Variants in PPP1CC observed in about 807,000 individuals in gnomAD.
PPP1CC encodes serine/threonine-protein phosphatase PP1-gamma catalytic subunit.
A neutral mutation model predicts 38.4 loss-of-function variants in PPP1CC; 16 were observed. The ratio of observed to expected loss-of-function variants is 0.42; its 90% CI spans 0.28 to 0.63. The LOEUF (loss-of-function observed/expected upper bound fraction) is 0.63, where lower values mean the gene tolerates loss of function less well. Ranked by LOEUF, PPP1CC falls within the 30% of genes least tolerant of loss-of-function variation. The pLI is 0.25. For synonymous variants in PPP1CC, 158 were observed against 136.0 expected, an observed-to-expected ratio of 1.16 and a Z score of -1.13; for missense variants, 170 against 391.3, an observed-to-expected ratio of 0.43 and a Z score of 4.77.
chr12:110,736,548 A>G (rs1190608299), intron 1 of PPP1CC, among the ~76,000 whole-genome samples: 1 of 152,002 alleles, frequency 6.6e-6, no homozygotes, highest in Non-Finnish European at 1.5e-5. Flanking sequence ...GGAGGCTAAG[A>G]TGGGAGGATC....
At chr12:110,718,231 C>A (rs1171151897), downstream of PPP1CC, among the ~76,000 whole-genome samples, 4 of 152,082 alleles carry the variant, frequency 2.6e-5, no homozygotes, top group East Asian at 3.9e-4. Context: ...CATGGGCAGG[C>A]CTAGTTTGTG....
chr12:110,742,622 TC>T, intron 1 of PPP1CC, 30 bp downstream of exon 1: 3 of 1,049,436 alleles, frequency 2.9e-6, no homozygotes, highest in Non-Finnish European at 3.8e-6. Flanking sequence ...CAGGCCCGCC[TC>T]CCCCTTCAGC....
At chr12:110,719,527 A>C (rs2069715267), downstream of PPP1CC, among the ~76,000 whole-genome samples, 1 of 152,248 alleles carries the variant, frequency 6.6e-6, no homozygotes, top group Non-Finnish European at 1.5e-5. Context: ...AAGGGGGAAG[A>C]GATCAAAGAA....
chr12:110,723,709 GAT>G (rs1393534435), intron 4 of PPP1CC, among the ~76,000 whole-genome samples: 1 of 152,008 alleles, frequency 6.6e-6, no homozygotes, highest in Non-Finnish European at 1.5e-5. Context: ...CAGGGGTCTC[GAT>G]ATGTTATAGG....
chr12:110,721,300 A>G, intron 6 of PPP1CC, 135 bp from the exon 7 acceptor site: 1 of 637,174 alleles, frequency 1.6e-6, no homozygotes, highest in South Asian at 1.9e-5. Context: ...CCCCTAGCAT[A>G]TTAACACAAG....
chr12:110,726,414 C>T (rs532996471), intron 3 of PPP1CC: 5 of 152,160 alleles, frequency 3.3e-5, no homozygotes, highest in East Asian at 3.9e-4. Flanking sequence ...CTAGGGGGTT[C>T]GGAAAGTTTA....
rs766211510 is a variant in PPP1CC at position 110,722,354 on chromosome 12, T to C, written c.748-85A>G. Reference sequence around the variant, plus strand: ...TTTCAGTTTCCCATTGAGCCTGATATCTTGTGTTCCAGAAACACTTTGTAT... The same window carrying C: ...TTTCAGTTTCCCATTGAGCCTGATACCTTGTGTTCCAGAAACACTTTGTAT... On this transcript the variant is annotated intron_variant, in intron 5 of 6. Transcript: ENST00000335007. This position sits in a 1 kb window ranked among gnomAD's most constrained non-coding sequence, Gnocchi z 5.4. 23 of 1,568,186 alleles carry C rather than the reference T, an allele frequency of 1.5e-5. No individual in the cohort carries two copies. The highest frequency in any genetic ancestry group is 2.0e-5 in the Non-Finnish European group (23 of 1,144,482).
At position 110,731,610 on chromosome 12, in the gene PPP1CC, G is replaced by A. The variant is rs1593580571; in HGVS notation, c.187+160C>T. On this transcript the variant is annotated intron_variant, in intron 2 of 6. Coordinates refer to ENST00000335007, the MANE Select transcript of PPP1CC (RefSeq NM_002710.4). ...ATCTAAGTAAACTAAGTCCATTAGA[G>A]GTATTTATTCTAAAGCTACTATTTA... 3.3e-5 allele frequency among the ~76,000 whole-genome samples: 5 copies of A among 152,070 alleles called. No homozygotes were observed. In the South Asian group the frequency reaches 6.2e-4, roughly 19 times the overall value.
chr12:110,730,846 TC>T, intron 2 of PPP1CC, 87 bp from the exon 3 acceptor site: 1 of 877,870 alleles, frequency 1.1e-6, no homozygotes, highest in Non-Finnish European at 1.7e-6. Flanking sequence ...CTTTAAATAT[TC>T]ATTGTACAAT....
At chr12:110,736,221 T>C (rs1460009789) in intron 1 of PPP1CC, among the ~76,000 whole-genome samples, 1 of 152,238 alleles carries the variant, frequency 6.6e-6, no homozygotes, top group Non-Finnish European at 1.5e-5. Flanking sequence ...AACGTATTAT[T>C]ACTGTTAAAA....
At chr12:110,731,625 G>T in intron 2 of PPP1CC, 145 bp downstream of exon 2, 2 of 777,326 alleles carry the variant, frequency 2.6e-6, no homozygotes, top group South Asian at 2.9e-5. Context: ...TTATTCTAAA[G>T]CTACTATTTA....
intron 3 of PPP1CC, chr12:110,725,373 A>G (rs2069785341): frequency 6.6e-6 from 1 of 152,198 alleles, no homozygotes; most frequent in Admixed American, 6.5e-5. Context: ...CCCATCCCCC[A>G]TATATGCCCC....
the PPP1CC span, among the ~76,000 whole-genome samples, chr12:110,713,189 G>A: frequency 1.1e-4 from 17 of 151,940 alleles, no homozygotes; most frequent in East Asian, 3.3e-3. Flanking sequence ...CTGGAAAGCA[G>A]TGGCATGATC....
At chr12:110,736,039 G>T (rs923791568) in intron 1 of PPP1CC, among the ~76,000 whole-genome samples, 1 of 151,194 alleles carries the variant, frequency 6.6e-6, no homozygotes, top group African/African-American at 2.4e-5. Flanking sequence ...CTCCAGCCTG[G>T]GGAACAAGAA....
At chr12:110,716,965 C>T (rs1398039553), downstream of PPP1CC, among the ~76,000 whole-genome samples, 2 of 152,166 alleles carry the variant, frequency 1.3e-5, no homozygotes, top group Non-Finnish European at 2.9e-5. Flanking sequence ...TCCATCATTT[C>T]CACTCTTCTG....
chr12:110,708,413 A>G, the PPP1CC span, among the ~76,000 whole-genome samples: 1 of 152,226 alleles, frequency 6.6e-6, no homozygotes, highest in Non-Finnish European at 1.5e-5. Context: ...ATTCATCAAA[A>G]CAAACACATG....
intron 1 of PPP1CC, among the ~76,000 whole-genome samples, chr12:110,735,308 A>T (rs2069930528): frequency 1.3e-5 from 2 of 152,086 alleles, no homozygotes; most frequent in Admixed American, 6.6e-5. Flanking sequence ...GCACTGTACT[A>T]AGGGCTTTAT....
chr12:110,713,413 G>A, the PPP1CC span, among the ~76,000 whole-genome samples: 121 of 152,240 alleles, frequency 7.9e-4, no homozygotes, highest in Middle Eastern at 3.4e-3. Flanking sequence ...GATTACAGGC[G>A]TGAGCCACCG....
intron 1 of PPP1CC, among the ~76,000 whole-genome samples, chr12:110,736,511 G>A (rs1299980810): frequency 6.6e-6 from 1 of 152,120 alleles, no homozygotes; most frequent in Non-Finnish European, 1.5e-5. Flanking sequence ...GGACATGGTG[G>A]CGTGCGCCTG....
Sources: gnomAD v4.1 joint callset for allele counts (sites outside exome capture counted in the v4.1 genomes callset) on GRCh38, gnomAD v4.1.1 for gene constraint, Gnocchi (gnomAD v3.1) non-coding constraint, MANE v1.5 for transcripts, NCBI Gene and HGNC (gene_info 2026-07-23, HGNC 2026-07-21) for gene names.